The following DPH6 variants were observed in gnomAD, a reference collection of about 807,000 sequenced individuals.
DPH6 encodes the protein diphthine--ammonia ligase.
Under a neutral mutation model 38.2 loss-of-function variants are expected in DPH6, and 33 were observed. That is an observed-to-expected ratio of 0.86 (90% CI 0.65 to 1.15). DPH6 has a LOEUF of 1.15. Among genes scored for constraint, DPH6 ranks in the 50% most tolerant of loss-of-function variants. The probability of loss-of-function intolerance (pLI) is 0.00; values close to 1 mark genes in which losing one functional copy is unlikely to be tolerated. For synonymous variants in DPH6, 108 were observed against 103.0 expected (o/e 1.05, Z -0.30); for missense variants, 325 against 320.0 (o/e 1.02, Z -0.12).
At chr15:35,274,188 C>G (rs999616633) in intron 3 of DPH6, among the ~76,000 whole-genome samples, 2 of 152,212 alleles carry the variant, frequency 1.3e-5, no homozygotes, top group Admixed American at 1.3e-4. Flanking sequence ...GCTGGGAAAA[C>G]TGGCTAGCCA....
chr15:35,400,637 G>C lies in DPH6; in HGVS notation c.567+10198C>G, dbSNP rs1459481069. On this transcript the variant is annotated intron_variant, in intron 6 of 8. Coordinates refer to ENST00000256538, the MANE Select transcript of DPH6 (RefSeq NM_080650.4). Reference sequence around the variant, plus strand: ...AAAATATTACAAAATTAGCCTTTCTGCCAGTGGATGCCACCGAGGAAGCAT... The same window carrying C: ...AAAATATTACAAAATTAGCCTTTCTCCCAGTGGATGCCACCGAGGAAGCAT... 1.1e-5 allele frequency: 6 copies of C among 548,246 alleles called. No individual in the cohort carries two copies. The South Asian group carries it at 1.1e-4, about 10-fold the overall frequency. 34.0% of individuals were successfully genotyped at this position (548,246 alleles called of 1,614,324 possible).
intron 3 of DPH6, among the ~76,000 whole-genome samples, chr15:35,319,383 A>G (rs960887671): frequency 6.6e-6 from 1 of 152,208 alleles, no homozygotes; most frequent in Non-Finnish European, 1.5e-5. Flanking sequence ...ATTGAACTTA[A>G]GTATTTATGT....
In DPH6 at chr15:35,268,175, AT is replaced by A. The variant is rs1216151964; in HGVS notation, n.201-47594del. 0.044 allele frequency among the ~76,000 whole-genome samples: 230 copies of A among 5,232 alleles called. 2 individuals carry two copies. The East Asian group carries it at 0.47, about 11-fold the overall frequency. The allele number at this position is 5,232 out of a possible 152,430, so 3.4% of individuals were successfully genotyped here. A position where few individuals can be genotyped will look rare whatever the true frequency, so the allele number is the denominator to read the frequency against. On this transcript the variant is annotated intron_variant and non_coding_transcript_variant, in intron 3 of 3. Coordinates refer to the DPH6 transcript ENST00000560386. ...ACAGAGCGAGACTCTGTCTCAAAAA[AT>A]AAATAAATAAATAAATAAATAAATA...
chr15:35,314,800 T>C (rs558287393), intron 3 of DPH6, among the ~76,000 whole-genome samples: 4 of 152,294 alleles, frequency 2.6e-5, no homozygotes, highest in African/African-American at 9.6e-5. Flanking sequence ...TCGTCTTCTC[T>C]TTTTCTGTGC....
At chr15:35,145,602 G>C in the DPH6 span, among the ~76,000 whole-genome samples, 1 of 152,184 alleles carries the variant, frequency 6.6e-6, no homozygotes, top group Non-Finnish European at 1.5e-5. Flanking sequence ...CTGTCTATGA[G>C]GGGTAGATCC....
At chr15:35,508,083 ACTGTGCAGCCCCTGGTTAATTAAT>A in intron 3 of DPH6, among the ~76,000 whole-genome samples, 1 of 152,158 alleles carries the variant, frequency 6.6e-6, no homozygotes, top group Middle Eastern at 3.4e-3. Flanking sequence ...CGGCAGGAGG[ACTGTGCAGCCCCTGGTTAATTAAT>A]CTGCCGGCTG....
rs1229646945 is a variant in DPH6 at position 35,298,129 on chromosome 15, G to GATA, written n.200+75391_200+75392insTAT. On this transcript the variant is annotated intron_variant and non_coding_transcript_variant, in intron 3 of 3. Coordinates refer to the DPH6 transcript ENST00000560386. ...GGATCAACCAACATATATCTTACAA[G>GATA]TCCCTCCAAGAGTCTCAGTATGCAA... The GATA allele has an allele frequency of 8.8e-6, 3 of 342,456 alleles. No homozygotes were observed. In the East Asian group the frequency reaches 2.1e-4, roughly 24 times the overall value. 21.2% of individuals were successfully genotyped at this position (342,456 alleles called of 1,614,324 possible). A position where few individuals can be genotyped will look rare whatever the true frequency, so the allele number is the denominator to read the frequency against.
chr15:35,364,991 A>G (rs1408883421), intron 3 of DPH6, among the ~76,000 whole-genome samples: 1 of 151,816 alleles, frequency 6.6e-6, no homozygotes, highest in East Asian at 1.9e-4. Context: ...CATTCTGAAT[A>G]TTTTCTTCTG....
At chr15:35,296,698 G>T (rs2052017411) in intron 3 of DPH6, among the ~76,000 whole-genome samples, 1 of 152,014 alleles carries the variant, frequency 6.6e-6, no homozygotes, top group Admixed American at 6.6e-5. Flanking sequence ...TTTCAAGCAG[G>T]TATTTAATGC....
At chr15:35,374,564 C>A (rs978093843) in intron 7 of DPH6, among the ~76,000 whole-genome samples, 2 of 152,058 alleles carry the variant, frequency 1.3e-5, no homozygotes, top group Admixed American at 6.6e-5. Flanking sequence ...TTACTTCCCA[C>A]TTGAAAGATC....
At chr15:35,262,253 T>A (rs2051751736) in intron 3 of DPH6, among the ~76,000 whole-genome samples, 1 of 152,176 alleles carries the variant, frequency 6.6e-6, no homozygotes, top group Non-Finnish European at 1.5e-5. Flanking sequence ...AAAAGTGGTA[T>A]CACAATTTTT....
chr15:35,170,266 A>G, the DPH6 span, among the ~76,000 whole-genome samples: 241 of 152,330 alleles, frequency 1.6e-3, 1 homozygote, highest in African/African-American at 5.3e-3. Context: ...CTTGACTTCC[A>G]TGATGAGAAT....
chr15:35,489,912 T>C lies in DPH6; in HGVS notation c.313-35092A>G, dbSNP rs1040310989. ...ATTTTTCTGTACTAAAAATCTATAA[T>C]GATTACTTTTTAAAAGTATCAAAAA... On this transcript the variant is annotated intron_variant, in intron 3 of 8. Transcript: ENST00000256538. The C allele has an allele frequency of 2.0e-5, 19 of 967,136 alleles. No individual in the cohort carries two copies. The Middle Eastern group carries it at 1.6e-3, about 81-fold the overall frequency. 59.9% of individuals were successfully genotyped at this position (967,136 alleles called of 1,614,324 possible).
At chr15:35,347,848 T>A (rs1427318326) in intron 3 of DPH6, among the ~76,000 whole-genome samples, 1 of 152,126 alleles carries the variant, frequency 6.6e-6, no homozygotes, top group Non-Finnish European at 1.5e-5. Flanking sequence ...ACCATCCCAA[T>A]AGATATGAGG....
At chr15:35,469,490 CAAG>C (rs1461286821) in intron 3 of DPH6, among the ~76,000 whole-genome samples, 9 of 152,078 alleles carry the variant, frequency 5.9e-5, no homozygotes, top group Admixed American at 5.2e-4. Context: ...GTAGTTATGA[CAAG>C]AAGAGGGCAG....
chr15:35,163,133 C>T, the DPH6 span, among the ~76,000 whole-genome samples: 1 of 151,864 alleles, frequency 6.6e-6, no homozygotes, highest in African/African-American at 2.4e-5. Flanking sequence ...TTCTGACCCC[C>T]ACAGCTTTTG....
chr15:35,468,466 C>T (rs921281266), intron 3 of DPH6, among the ~76,000 whole-genome samples: 1 of 152,162 alleles, frequency 6.6e-6, no homozygotes, highest in Non-Finnish European at 1.5e-5. Flanking sequence ...GCTCAAAACC[C>T]TCTAAGTCAT....
At chr15:35,259,711 A>G (rs2051733380) in intron 3 of DPH6, among the ~76,000 whole-genome samples, 1 of 152,352 alleles carries the variant, frequency 6.6e-6, no homozygotes, top group South Asian at 2.1e-4. Context: ...AGCAGCCAAT[A>G]TAAGTCCTAA....
At chr15:35,353,519 C>A (rs2052533695) in intron 3 of DPH6, among the ~76,000 whole-genome samples, 1 of 152,168 alleles carries the variant, frequency 6.6e-6, no homozygotes, top group Non-Finnish European at 1.5e-5. Context: ...TTTCCCAGCA[C>A]CATTTGTTAA....
Sources: allele counts gnomAD v4.1 joint callset (sites outside exome capture counted in the v4.1 genomes callset), GRCh38; gene constraint gnomAD v4.1.1; transcripts MANE v1.5; gene names NCBI Gene and HGNC (gene_info 2026-07-23, HGNC 2026-07-21).